The following DDR2 variants were observed in gnomAD, a reference collection of about 807,000 sequenced individuals.
DDR2 encodes discoidin domain-containing receptor 2.
Under a neutral mutation model 94.9 loss-of-function variants are expected in DDR2, and 27 were observed. The ratio of observed to expected loss-of-function variants is 0.28; its 90% CI spans 0.21 to 0.39. The LOEUF is 0.39. Among genes scored for constraint, DDR2 ranks in the 10% least tolerant of loss-of-function variants. The pLI is 1.00. For missense variants in DDR2, 783 were observed against 1,076.0 expected (o/e 0.73, Z 3.81); for synonymous variants, 382 against 377.2 (o/e 1.01, Z -0.15).
intron 3 of DDR2, among the ~76,000 whole-genome samples, chr1:162,752,670 A>G (rs1663271259): frequency 6.6e-6 from 1 of 152,196 alleles, no homozygotes; most frequent in Non-Finnish European, 1.5e-5. Flanking sequence ...GCAATTAACT[A>G]CTGAAAAAAA....
intron 9 of DDR2, among the ~76,000 whole-genome samples, chr1:162,763,331 C>T (rs1663835024): frequency 7.5e-6 from 1 of 133,654 alleles, no homozygotes; most frequent in Non-Finnish European, 1.5e-5. Flanking sequence ...TGCTACCACG[C>T]CCGGCTTTTT....
chr1:162,673,728 T>C (rs915530747), intron 2 of DDR2, among the ~76,000 whole-genome samples: 1 of 146,398 alleles, frequency 6.8e-6, no homozygotes, highest in African/African-American at 2.8e-5. Context: ...TACAGCACTT[T>C]AGTTAAAACA....
intron 3 of DDR2, among the ~76,000 whole-genome samples, chr1:162,744,698 C>A (rs532721766): frequency 1.2e-3 from 175 of 151,760 alleles, no homozygotes; most frequent in Middle Eastern, 3.4e-3. Context: ...TTTTTTAAAG[C>A]TGAATAAGAT....
intron 10 of DDR2, among the ~76,000 whole-genome samples, chr1:162,766,508 A>G (rs2102170734): frequency 6.6e-6 from 1 of 152,360 alleles, no homozygotes; most frequent in Non-Finnish European, 1.5e-5. Flanking sequence ...GTGGGATTGA[A>G]TGTGTCCAAA....
intron 2 of DDR2, among the ~76,000 whole-genome samples, chr1:162,672,708 A>G (rs1658924662): frequency 6.6e-6 from 1 of 152,198 alleles, no homozygotes; most frequent in Non-Finnish European, 1.5e-5. Flanking sequence ...GTAAAAGATT[A>G]ACTTTTGAAA....
intron 1 of DDR2, among the ~76,000 whole-genome samples, chr1:162,647,537 G>T (rs1051934524): frequency 1.3e-5 from 2 of 152,216 alleles, no homozygotes; most frequent in African/African-American, 4.8e-5. Context: ...CAGAGCAGTG[G>T]CATGAGCTGC....
chr1:162,756,887 C>T, intron 7 of DDR2, among the ~76,000 whole-genome samples: 1 of 152,190 alleles, frequency 6.6e-6, no homozygotes, highest in East Asian at 1.9e-4. Flanking sequence ...CAGAGATCAA[C>T]CGAATTCAGT....
intron 1 of DDR2, among the ~76,000 whole-genome samples, chr1:162,651,478 C>A (rs1213351238): frequency 6.6e-6 from 1 of 152,238 alleles, no homozygotes; most frequent in South Asian, 2.1e-4. Context: ...TTAGGGAACA[C>A]TCAACTGGCT....
At chr1:162,635,288 G>A (rs1656757447) in intron 1 of DDR2, among the ~76,000 whole-genome samples, 1 of 144,052 alleles carries the variant, frequency 6.9e-6, no homozygotes, top group African/African-American at 2.5e-5. Context: ...ATTTTTAATA[G>A]ACACATGAAA....
At chr1:162,710,221 G>A (rs77643146) in intron 2 of DDR2, among the ~76,000 whole-genome samples, 14,713 of 152,260 alleles carry the variant, frequency 0.097, 1,016 homozygotes, top group Non-Finnish European at 0.14. Context: ...GGCTGAGATG[G>A]AGGGGAGCAA....
At chr1:162,651,851 A>G (rs541127437) in intron 1 of DDR2, among the ~76,000 whole-genome samples, 17 of 152,188 alleles carry the variant, frequency 1.1e-4, no homozygotes, top group Admixed American at 4.6e-4. Context: ...TTTCGTGTCA[A>G]GCTTAGAAAT....
At chr1:162,710,196 T>G (rs1252951446) in intron 2 of DDR2, among the ~76,000 whole-genome samples, 1 of 152,200 alleles carries the variant, frequency 6.6e-6, no homozygotes, top group African/African-American at 2.4e-5. Flanking sequence ...TAGCATCTCA[T>G]TTTACAGAAG....
At chr1:162,709,979 A>G (rs1449856420) in intron 2 of DDR2, among the ~76,000 whole-genome samples, 1 of 152,182 alleles carries the variant, frequency 6.6e-6, no homozygotes, top group East Asian at 1.9e-4. Flanking sequence ...AAGACGTTAG[A>G]TTTGACATTT....
intron 1 of DDR2, among the ~76,000 whole-genome samples, chr1:162,633,306 C>T (rs927779126): frequency 1.3e-5 from 2 of 152,134 alleles, no homozygotes; most frequent in South Asian, 4.1e-4. Flanking sequence ...TGAGTCCTGG[C>T]CTAGGTTCAA....
chr1:162,719,962 G>T (rs1661346248), intron 3 of DDR2, among the ~76,000 whole-genome samples: 1 of 152,024 alleles, frequency 6.6e-6, no homozygotes, highest in Non-Finnish European at 1.5e-5. Context: ...TGTTTTCCTG[G>T]AAATTGCACA....
At chr1:162,739,318 C>T (rs781463133) in intron 3 of DDR2, among the ~76,000 whole-genome samples, 11 of 152,118 alleles carry the variant, frequency 7.2e-5, no homozygotes, top group East Asian at 5.8e-4. Flanking sequence ...AGACACTTCT[C>T]GTTTCTTTTT....
chr1:162,661,561 C>A (rs1408422184), intron 2 of DDR2, among the ~76,000 whole-genome samples: 1 of 152,076 alleles, frequency 6.6e-6, no homozygotes, highest in Non-Finnish European at 1.5e-5. Flanking sequence ...GTGTGTACAC[C>A]AAGCATACAG....
intron 2 of DDR2, among the ~76,000 whole-genome samples, chr1:162,717,716 G>A (rs2102027461): frequency 6.6e-6 from 1 of 152,200 alleles, no homozygotes; most frequent in Admixed American, 6.5e-5. Flanking sequence ...AGTAGACTGA[G>A]GTAATAGGTT....
intron 2 of DDR2, among the ~76,000 whole-genome samples, chr1:162,685,113 T>A (rs1474759679): frequency 6.6e-6 from 1 of 152,218 alleles, no homozygotes; most frequent in Non-Finnish European, 1.5e-5. Context: ...GCATGTTTTT[T>A]AACTATTGGG....
Sources: allele counts gnomAD v4.1 joint callset (sites outside exome capture counted in the v4.1 genomes callset), GRCh38; gene constraint gnomAD v4.1.1; transcripts MANE v1.5; gene names NCBI Gene and HGNC (gene_info 2026-07-23, HGNC 2026-07-21).